Variants in PGBD2 observed in about 807,000 individuals in gnomAD.
The protein encoded by PGBD2 is piggyBac transposable element derived 2.
In PGBD2, 6 loss-of-function variants were observed where a neutral mutation model predicts 8.1. The observed-to-expected ratio is 0.74, with a 90% confidence interval of 0.40 to 1.46. The LOEUF (loss-of-function observed/expected upper bound fraction) is 1.46. PGBD2 is among the 40% of genes most tolerant of loss of function. The probability of loss-of-function intolerance (pLI) is 0.02; values close to 1 mark genes in which losing one functional copy is unlikely to be tolerated. For synonymous variants in PGBD2, 318 were observed against 272.2 expected (o/e 1.17, Z -1.66); for missense variants, 802 against 739.0 (o/e 1.09, Z -0.99).
At chr1:248,891,833 G>GA in the PGBD2 span, among the ~76,000 whole-genome samples, 11 of 151,520 alleles carry the variant, frequency 7.3e-5, no homozygotes, top group East Asian at 1.9e-4. Flanking sequence ...TTTTAAAAAA[G>GA]AAAAAAAAGT....
chr1:248,913,376 G>A (rs761224310), intron 1 of PGBD2, among the ~76,000 whole-genome samples: 1 of 152,186 alleles, frequency 6.6e-6, no homozygotes, highest in Non-Finnish European at 1.5e-5. Flanking sequence ...TTCATTAAGT[G>A]TTGTTTTCAG....
At chr1:248,909,064 C>T (rs557021464) in intron 1 of PGBD2, among the ~76,000 whole-genome samples, 13 of 152,122 alleles carry the variant, frequency 8.5e-5, no homozygotes, top group African/African-American at 2.2e-4. Flanking sequence ...GTTTGCCAAA[C>T]GAATGAAAAA....
the PGBD2 span, among the ~76,000 whole-genome samples, chr1:248,898,454 C>T: frequency 6.6e-6 from 1 of 152,114 alleles, no homozygotes; most frequent in African/African-American, 2.4e-5. Context: ...GCACCTGGCT[C>T]AACATTTTTA....
At chr1:248,880,525 T>A in the PGBD2 span, among the ~76,000 whole-genome samples, 1 of 152,262 alleles carries the variant, frequency 6.6e-6, no homozygotes, top group Non-Finnish European at 1.5e-5. Context: ...TCATCACTCA[T>A]CAGAACTTTC....
chr1:248,904,278 A>AT (rs780939304), upstream of PGBD2, among the ~76,000 whole-genome samples: 1,557 of 146,962 alleles, frequency 0.011, 10 homozygotes, highest in South Asian at 0.014. Context: ...AACGGGCTAA[A>AT]TTTTTTTTTT....
At chr1:248,925,104 T>G in the PGBD2 span, among the ~76,000 whole-genome samples, 2 of 152,168 alleles carry the variant, frequency 1.3e-5, no homozygotes, top group Admixed American at 1.3e-4. Flanking sequence ...TTGGCATCTG[T>G]GATGACTGAG....
chr1:248,891,187 T>A, the PGBD2 span, among the ~76,000 whole-genome samples: 1 of 152,318 alleles, frequency 6.6e-6, no homozygotes, highest in African/African-American at 2.4e-5. Flanking sequence ...TTTCATTTTA[T>A]TTTTTAGAGT....
At chr1:248,878,371 G>A in the PGBD2 span, among the ~76,000 whole-genome samples, 2 of 151,998 alleles carry the variant, frequency 1.3e-5, no homozygotes, top group African/African-American at 4.8e-5. Flanking sequence ...TAGAGATGGG[G>A]TTTCACTATG....
At chr1:248,887,811 C>A in the PGBD2 span, among the ~76,000 whole-genome samples, 1 of 152,156 alleles carries the variant, frequency 6.6e-6, no homozygotes, top group African/African-American at 2.4e-5. Context: ...AACACAAGGG[C>A]AGATTGTGTG....
At chr1:248,878,182 C>CT in the PGBD2 span, among the ~76,000 whole-genome samples, 279 of 141,564 alleles carry the variant, frequency 2.0e-3, 1 homozygote, top group Non-Finnish European at 2.7e-3. Context: ...TTTTCCATAT[C>CT]TTTTTTTTTT....
chr1:248,924,500 T>A (rs1480502503), downstream of PGBD2, among the ~76,000 whole-genome samples: 3 of 152,208 alleles, frequency 2.0e-5, no homozygotes, highest in Non-Finnish European at 4.4e-5. Flanking sequence ...ACTTCTCAAT[T>A]TCATTAAATT....
the PGBD2 span, among the ~76,000 whole-genome samples, chr1:248,892,277 T>TCCTTCCTC: frequency 1.5e-4 from 7 of 47,126 alleles, no homozygotes; most frequent in Non-Finnish European, 2.9e-4. Flanking sequence ...CTCCCTCCCT[T>TCCTTCCTC]CCTTCCTTCC....
chr1:248,885,991 G>GCTT, the PGBD2 span, among the ~76,000 whole-genome samples: 1 of 152,024 alleles, frequency 6.6e-6, no homozygotes, highest in African/African-American at 2.4e-5. Context: ...TTACTCCTCA[G>GCTT]TAATTTGTCT....
At chr1:248,896,376 T>G in the PGBD2 span, among the ~76,000 whole-genome samples, 1 of 152,092 alleles carries the variant, frequency 6.6e-6, no homozygotes, top group Non-Finnish European at 1.5e-5. Context: ...TATATATATA[T>G]TCTCTTGGTT....
chr1:248,918,421 G>A lies in PGBD2; in HGVS notation c.*58G>A, dbSNP rs1662199360. On this transcript the variant is annotated 3_prime_UTR_variant, in exon 3 of 3. Transcript: ENST00000329291. ...AGATGTTTACAGTTAAATACAGATG[G>A]CAGTTGAGCACTTCTGTTTTGTGTT... 1 of 1,473,950 alleles carries A rather than the reference G, an allele frequency of 6.8e-7. No homozygotes were observed. The highest frequency in any genetic ancestry group is 1.4e-5 in the South Asian group (1 of 72,262). The allele number at this position is 1,473,950 out of a possible 1,614,324, so 91.3% of individuals were successfully genotyped here.
At chr1:248,875,314 A>C in the PGBD2 span, among the ~76,000 whole-genome samples, 5 of 149,826 alleles carry the variant, frequency 3.3e-5, no homozygotes, top group African/African-American at 1.2e-4. Flanking sequence ...AAAACAAAAA[A>C]AAAAAAAAAA....
At chr1:248,926,039 A>G in the PGBD2 span, among the ~76,000 whole-genome samples, 1 of 151,428 alleles carries the variant, frequency 6.6e-6, no homozygotes, top group Non-Finnish European at 1.5e-5. Flanking sequence ...TCCTCTAAGG[A>G]CCCTCCCCAG....
At chr1:248,911,996 A>G (rs551501171) in intron 1 of PGBD2, among the ~76,000 whole-genome samples, 6 of 152,242 alleles carry the variant, frequency 3.9e-5, no homozygotes, top group Admixed American at 3.9e-4. Context: ...ATTAAAATGC[A>G]TAGAAAGTTT....
At chr1:248,911,195 G>C (rs1344733181) in intron 1 of PGBD2, among the ~76,000 whole-genome samples, 3 of 151,716 alleles carry the variant, frequency 2.0e-5, no homozygotes, top group African/African-American at 7.3e-5. Context: ...TAGGATAATA[G>C]TGGAGGGAAG....
Sources: allele counts gnomAD v4.1 joint callset (sites outside exome capture counted in the v4.1 genomes callset), GRCh38; gene constraint gnomAD v4.1.1; transcripts MANE v1.5; gene names NCBI Gene and HGNC (gene_info 2026-07-23, HGNC 2026-07-21).